The following FAXC variants were observed in gnomAD, a reference collection of about 807,000 sequenced individuals.
The protein encoded by FAXC is failed axon connections homolog, metaxin like GST domain containing.
A neutral mutation model predicts 41.9 loss-of-function variants in FAXC; 10 were observed. That is an observed-to-expected ratio of 0.24 (90% CI 0.15 to 0.41). FAXC has a LOEUF of 0.41. FAXC is among the 10% of genes least tolerant of loss of function. The pLI is 1.00. For synonymous variants in FAXC, 183 were observed against 183.8 expected, an observed-to-expected ratio of 1.00 and a Z score of 0.03; for missense variants, 399 against 510.9, an observed-to-expected ratio of 0.78 and a Z score of 2.11.
chr6:99,318,481 A>G (rs1772461795), intron 4 of FAXC, among the ~76,000 whole-genome samples: 1 of 152,208 alleles, frequency 6.6e-6, no homozygotes, highest in Non-Finnish European at 1.5e-5. Flanking sequence ...TTTTTTAAAA[A>G]TTGCAGTGAC....
chr6:99,334,158 C>T (rs1425152138), intron 2 of FAXC, among the ~76,000 whole-genome samples: 2 of 152,170 alleles, frequency 1.3e-5, no homozygotes, highest in African/African-American at 2.4e-5. Context: ...GGGGATAGTG[C>T]CCAGAATCTG....
At position 99,341,779 on chromosome 6, in the gene FAXC, C is replaced by A. The variant is rs148101539; in HGVS notation, c.402+1119G>T. 3.7e-4 allele frequency among the ~76,000 whole-genome samples: 57 copies of A among 152,226 alleles called. 1 individual carries two copies. The highest frequency in any genetic ancestry group is 6.6e-4 in the Non-Finnish European group (45 of 68,028). Reference sequence around the variant, plus strand: ...CTATAGAGAGCTCTCTATATCCAAACAGAGAATATGTAATTATTTTCAACA... The same window carrying A: ...CTATAGAGAGCTCTCTATATCCAAAAAGAGAATATGTAATTATTTTCAACA... On this transcript the variant is annotated intron_variant, in intron 2 of 5. Transcript: ENST00000389677.
At chr6:99,304,419 A>G (rs1003260254) in intron 4 of FAXC, among the ~76,000 whole-genome samples, 1 of 152,190 alleles carries the variant, frequency 6.6e-6, no homozygotes, top group African/African-American at 2.4e-5. Context: ...GTCCCCATTG[A>G]AGAACTTGAG....
At chr6:99,343,414 A>T (rs1250476709) in intron 1 of FAXC, among the ~76,000 whole-genome samples, 1 of 152,196 alleles carries the variant, frequency 6.6e-6, no homozygotes, top group African/African-American at 2.4e-5. Flanking sequence ...ATGGATAAAA[A>T]TGATATTCTG....
rs992605034 is a variant in FAXC, at chr6:99,278,089, T to A, written c.*3075A>T. On this transcript the variant is annotated 3_prime_UTR_variant, in exon 6 of 6. Coordinates refer to ENST00000389677, the MANE Select transcript of FAXC (RefSeq NM_032511.4). ...GGAGTAGACTGCAGTCTGATTCAAG[T>A]CCAAGTTGTTCCAGGTCCGTGATTA... is the stretch of plus-strand genomic sequence containing the variant. The A allele has an allele frequency of 3.3e-5, 5 of 152,314 alleles. No individual in the cohort carries two copies. The highest frequency in any genetic ancestry group is 9.6e-5 in the African/African-American group (4 of 41,578). 9.4% of individuals were successfully genotyped at this position (152,314 alleles called of 1,614,324 possible). A position where few individuals can be genotyped will look rare whatever the true frequency, so the allele number is the denominator to read the frequency against.
intron 4 of FAXC, among the ~76,000 whole-genome samples, chr6:99,314,864 A>G (rs7749592): frequency 0.35 from 53,234 of 151,676 alleles, 10,285 homozygotes; most frequent in Middle Eastern, 0.46. Flanking sequence ...TATTCTACTC[A>G]CTGTCCCACC....
chr6:99,291,965 T>TA (rs111611123), intron 4 of FAXC, 145 bp from the exon 5 acceptor site: 31,325 of 635,412 alleles, frequency 0.049, 619 homozygotes, highest in Middle Eastern at 0.063. Context: ...CCCTTTTGCT[T>TA]AAAAAAAAAT....
At chr6:99,336,213 G>A (rs1173950258) in intron 2 of FAXC, among the ~76,000 whole-genome samples, 1 of 151,864 alleles carries the variant, frequency 6.6e-6, no homozygotes, top group East Asian at 1.9e-4. Flanking sequence ...ACCATGCCTG[G>A]CCCAAAAAAA....
chr6:99,288,789 G>A (rs1771116425), intron 5 of FAXC, among the ~76,000 whole-genome samples: 1 of 151,802 alleles, frequency 6.6e-6, no homozygotes, highest in Non-Finnish European at 1.5e-5. Flanking sequence ...AAGAGGATCT[G>A]GAGAGTGAGA....
intron 4 of FAXC, among the ~76,000 whole-genome samples, chr6:99,294,012 T>C (rs1007980194): frequency 5.3e-5 from 8 of 152,012 alleles, no homozygotes; most frequent in African/African-American, 1.9e-4. Context: ...AAAGTGATTT[T>C]TAAAAATCAT....
intron 3 of FAXC, among the ~76,000 whole-genome samples, chr6:99,331,186 T>C (rs1773013086): frequency 6.6e-6 from 1 of 152,144 alleles, no homozygotes; most frequent in Admixed American, 6.5e-5. Flanking sequence ...AATTAACCAT[T>C]GAGAAGACAT....
intron 4 of FAXC, among the ~76,000 whole-genome samples, chr6:99,320,258 A>G (rs1245153700): frequency 6.6e-6 from 1 of 152,196 alleles, no homozygotes; most frequent in Non-Finnish European, 1.5e-5. Context: ...CAGTACTGAG[A>G]TAATTATGAC....
chr6:99,349,283 G>C lies in FAXC; in HGVS notation c.90C>G (p.Ala30=). 1 of 1,613,442 alleles carries C rather than the reference G, an allele frequency of 6.2e-7. No homozygotes were observed. Among genetic ancestry groups the C allele is most frequent in the South Asian group, 1.1e-5 (1 of 91,084 alleles). Residue 30 remains alanine, a synonymous_variant, in exon 1 of 6, where the codon GCC becomes GCG. Transcript: ENST00000389677. The part of the protein sequence containing the change: ...NQSISFFGWW[A]GSEEPFSFYG... Reference sequence around the variant, plus strand: ...AAAAGGAGAAGGGCTCCTCGGACCCGGCCCACCAGCCGAAGAAGGAGATGC... The same window carrying C: ...AAAAGGAGAAGGGCTCCTCGGACCCCGCCCACCAGCCGAAGAAGGAGATGC...
chr6:99,300,054 A>C (rs1000398151), intron 4 of FAXC, among the ~76,000 whole-genome samples: 5 of 152,226 alleles, frequency 3.3e-5, no homozygotes, highest in East Asian at 1.9e-4. Flanking sequence ...ACAAAAATTT[A>C]TCTCTTTCCG....
At chr6:99,294,398 G>C (rs1009827685) in intron 4 of FAXC, among the ~76,000 whole-genome samples, 2 of 152,180 alleles carry the variant, frequency 1.3e-5, no homozygotes, top group Non-Finnish European at 2.9e-5. Context: ...TCCTGCTAGG[G>C]CAGGAGGGGG....
At chr6:99,318,802 A>T (rs561306772) in intron 4 of FAXC, among the ~76,000 whole-genome samples, 2 of 152,168 alleles carry the variant, frequency 1.3e-5, no homozygotes, top group Non-Finnish European at 2.9e-5. Context: ...GAAATCAAAG[A>T]GCTGGTAAGC....
chr6:99,288,152 C>T (rs1771091586), intron 5 of FAXC, among the ~76,000 whole-genome samples: 1 of 152,162 alleles, frequency 6.6e-6, no homozygotes, highest in Admixed American at 6.5e-5. Flanking sequence ...ACAAAAAATG[C>T]ATCATTTCTG....
At chr6:99,319,430 C>T (rs1303633529) in intron 4 of FAXC, among the ~76,000 whole-genome samples, 1 of 151,626 alleles carries the variant, frequency 6.6e-6, no homozygotes, top group Admixed American at 6.6e-5. Flanking sequence ...AAAGCAAACC[C>T]TCCAACTGTC....
At chr6:99,342,681 G>A (rs923575997) in intron 2 of FAXC, among the ~76,000 whole-genome samples, 8 of 152,186 alleles carry the variant, frequency 5.3e-5, no homozygotes, top group Admixed American at 3.3e-4. Context: ...TCATGGCGCT[G>A]AATCTCTCAA....
Sources: gnomAD v4.1 joint callset for allele counts (sites outside exome capture counted in the v4.1 genomes callset) on GRCh38, gnomAD v4.1.1 for gene constraint, MANE v1.5 for transcripts, NCBI Gene and HGNC (gene_info 2026-07-23, HGNC 2026-07-21) for gene names.